ANAPC5: variants seen among roughly 807,000 people sequenced by gnomAD.
The protein encoded by ANAPC5 is anaphase-promoting complex subunit 5.
A neutral mutation model predicts 91.3 loss-of-function variants in ANAPC5; 60 were observed. The ratio of observed to expected loss-of-function variants is 0.66; its 90% CI spans 0.53 to 0.81. The LOEUF is 0.81. Ranked by LOEUF, ANAPC5 falls within the 40% of genes least tolerant of loss-of-function variation. The pLI is 0.00. For missense variants in ANAPC5, 690 were observed against 931.5 expected (o/e 0.74, Z 3.37); for synonymous variants, 340 against 364.1 (o/e 0.93, Z 0.75).
At chr12:121,318,797 A>T (rs1281100287) in intron 13 of ANAPC5, among the ~76,000 whole-genome samples, 189 bp from the exon 14 acceptor site, 3 of 152,166 alleles carry the variant, frequency 2.0e-5, no homozygotes, top group Non-Finnish European at 4.4e-5. Context: ...GAGGCGGGCG[A>T]ATCACAAGGT....
At chr12:121,353,468 G>T (rs1046034618), upstream of ANAPC5, among the ~76,000 whole-genome samples, 13 of 79,130 alleles carry the variant, frequency 1.6e-4, no homozygotes, top group East Asian at 4.4e-3. Context: ...TTGAGACGGA[G>T]TCTCCTCTGT....
chr12:121,317,110 T>C (rs2136761695), intron 15 of ANAPC5, among the ~76,000 whole-genome samples: 1 of 152,242 alleles, frequency 6.6e-6, no homozygotes, highest in African/African-American at 2.4e-5. Flanking sequence ...AATGACTGCT[T>C]AATGGGTACA....
rs150858594 is a variant in ANAPC5 at position 121,342,284 on chromosome 12, C to T, written c.591-215G>A. Among the ~76,000 whole-genome samples the T allele has an allele frequency of 8.6e-4, 131 of 152,256 alleles. No homozygotes were observed. Among genetic ancestry groups the T allele is most frequent in the African/African-American group, 3.0e-3 (124 of 41,548 alleles). On this transcript the variant is annotated intron_variant, in intron 4 of 16. Transcript: ENST00000261819. The surrounding 1 kb of genome is among the most constrained non-coding windows in gnomAD (Gnocchi z 4.1). ...TGCATGGTCAAATGGTTTTTGGCAA[C>T]AGTGCCAAGACCATTTGATAGGGAA... is the stretch of plus-strand genomic sequence containing the variant.
Position 121,352,205 on chromosome 12 carries a change from G to T in ANAPC5, c.136C>A (p.Arg46Ser), listed in dbSNP as rs1903921928. ...AGGCTGACGGCGCCCTCGCCTGTGC[G>T]GCTCATCTCGTTCAGCAGCACCAGC... Reference protein sequence around the residue: ...AVLVLLNEMSRTGEGAVSLME... With the variant: ...AVLVLLNEMSSTGEGAVSLME... Residue 46 changes from arginine (R) to serine (S), a missense_variant, in exon 1 of 17, where the codon CGC becomes AGC. Arg to Ser is a moderately radical substitution (Grantham distance 110). Around this residue, in one of 5 missense-constraint regions of ANAPC5, gnomAD observed 238 missense variants for 264.9 expected, o/e 0.90. Transcript: ENST00000261819. 1.2e-6 allele frequency: 2 copies of T among 1,614,074 alleles called. No homozygotes were observed. The highest frequency in any genetic ancestry group is 1.7e-6 in the Non-Finnish European group (2 of 1,179,992).
At chr12:121,349,179 C>T (rs900829352) in intron 1 of ANAPC5, among the ~76,000 whole-genome samples, 1 of 152,168 alleles carries the variant, frequency 6.6e-6, no homozygotes, top group Admixed American at 6.5e-5. Flanking sequence ...CAAAAATTAA[C>T]TAATTTAAGA....
chr12:121,317,473 T>C (rs2668243), intron 15 of ANAPC5, among the ~76,000 whole-genome samples: 149,200 of 151,948 alleles, frequency 0.98, 73,258 homozygotes, highest in East Asian at 1. Context: ...AGGCTGGTCT[T>C]GAACTCCTGA....
chr12:121,329,794 T>A (rs1287021807), intron 9 of ANAPC5, among the ~76,000 whole-genome samples: 1 of 152,020 alleles, frequency 6.6e-6, no homozygotes. Flanking sequence ...TTTGTATTTT[T>A]AGTAGAGAGA....
upstream of ANAPC5, among the ~76,000 whole-genome samples, chr12:121,353,129 TC>T (rs1348740784): frequency 7.9e-5 from 12 of 152,160 alleles, no homozygotes; most frequent in African/African-American, 2.9e-4. Flanking sequence ...TGGTCGTGTA[TC>T]CTTACGTGAA....
chr12:121,311,447 A>G (rs1040683223), intron 15 of ANAPC5, among the ~76,000 whole-genome samples: 3 of 151,940 alleles, frequency 2.0e-5, no homozygotes, highest in Non-Finnish European at 1.5e-5. Flanking sequence ...CAGTCGATTC[A>G]TCAAGATATA....
At chr12:121,312,059 C>A (rs993483390) in intron 15 of ANAPC5, among the ~76,000 whole-genome samples, 2 of 152,114 alleles carry the variant, frequency 1.3e-5, no homozygotes, top group African/African-American at 4.8e-5. Context: ...CCAGGATAGA[C>A]TGTGTTTGGG....
chr12:121,325,517 AAG>A (rs1245951695), intron 11 of ANAPC5, among the ~76,000 whole-genome samples: 1 of 151,644 alleles, frequency 6.6e-6, no homozygotes, highest in Non-Finnish European at 1.5e-5. Flanking sequence ...AAAAAAAAAA[AAG>A]AATTGAACCA....
chr12:121,353,424 G>A (rs1566202796), upstream of ANAPC5, among the ~76,000 whole-genome samples: 1 of 114,678 alleles, frequency 8.7e-6, no homozygotes, highest in Non-Finnish European at 2.1e-5. Flanking sequence ...TGCACACACT[G>A]TGCCTTGTGC....
At chr12:121,349,017 C>T (rs782699007) in intron 1 of ANAPC5, among the ~76,000 whole-genome samples, 12 of 152,174 alleles carry the variant, frequency 7.9e-5, no homozygotes, top group Non-Finnish European at 1.6e-4. Context: ...GTAATACCAG[C>T]GCCTTGGGAG....
chr12:121,328,826 T>C (rs1437902386), intron 9 of ANAPC5: 1 of 232,640 alleles, frequency 4.3e-6, no homozygotes, highest in Non-Finnish European at 8.5e-6. Flanking sequence ...AGCTTCCTCA[T>C]CTGTAAAATG....
At chr12:121,354,201 C>G (rs1174902260), upstream of ANAPC5, among the ~76,000 whole-genome samples, 4 of 152,028 alleles carry the variant, frequency 2.6e-5, no homozygotes, top group African/African-American at 9.7e-5. Context: ...GTTGGCCCGG[C>G]TGGTCTTGAA....
rs1555275479 is a variant in ANAPC5, at chr12:121,352,230, C to G, written c.111G>C (p.Val37=). ...GGCTCATCTCGTTCAGCAGCACCAG[C>G]ACCGCGATCTTGTACGGCGTCACCC... is the stretch of plus-strand genomic sequence containing the variant. ...KDWVTPYKIA[V]LVLLNEMSRT... The change falls in exon 1 of 17, where the codon GTG becomes GTC. Residue 37 remains valine, a synonymous_variant. Coordinates refer to ENST00000261819, the MANE Select transcript of ANAPC5 (RefSeq NM_016237.5). 6.2e-7 allele frequency: 1 copy of G among 1,614,170 alleles called. No individual in the cohort carries two copies. The highest frequency in any genetic ancestry group is 1.1e-5 in the South Asian group (1 of 91,084).
chr12:121,335,609 C>T lies in ANAPC5; in HGVS notation c.874G>A (p.Gly292Arg). 1.9e-6 allele frequency: 3 copies of T among 1,614,078 alleles called. No homozygotes were observed. The highest frequency in any genetic ancestry group is 2.5e-6 in the Non-Finnish European group (3 of 1,179,934). Residue 292 changes from glycine to arginine, a missense_variant, in exon 7 of 17, where the codon GGG (glycine) becomes AGG (arginine). Around this residue, in one of 5 missense-constraint regions of ANAPC5, gnomAD observed 83 missense variants for 150.8 expected, o/e 0.55. Coordinates refer to ENST00000261819, the MANE Select transcript of ANAPC5 (RefSeq NM_016237.5). ...AAGCTCCGGCCATAGCCCTCTTCCC[C>T]ATTACTTTTGCTTTCGGCTCCGGTA... Reference protein sequence around the residue: ...ILTGAESKSNGEEGYGRSLRY... With the variant: ...ILTGAESKSNREEGYGRSLRY...
intron 1 of ANAPC5, among the ~76,000 whole-genome samples, chr12:121,350,233 T>C (rs1903830724): frequency 6.6e-6 from 1 of 152,110 alleles, no homozygotes; most frequent in African/African-American, 2.4e-5. Context: ...TAAACTATAC[T>C]AAGGAATATA....
intron 8 of ANAPC5, 93 bp downstream of exon 8, chr12:121,331,254 T>G: frequency 9.3e-7 from 1 of 1,073,224 alleles, no homozygotes; most frequent in Non-Finnish European, 1.4e-6. Context: ...TGAAGATCTC[T>G]GCTCCAACTG....
Sources: allele counts gnomAD v4.1 joint callset (sites outside exome capture counted in the v4.1 genomes callset), GRCh38; gene constraint gnomAD v4.1.1; regional missense constraint gnomAD v4.1.1; non-coding constraint Gnocchi (gnomAD v3.1); transcripts MANE v1.5; gene names NCBI Gene and HGNC (gene_info 2026-07-23, HGNC 2026-07-21).